The following MMP16 variants were observed in gnomAD, a reference collection of about 807,000 sequenced individuals.
MMP16 encodes matrix metalloproteinase-16.
Under a neutral mutation model 67.8 loss-of-function variants are expected in MMP16, and 12 were observed. That is an observed-to-expected ratio of 0.18 (90% CI 0.11 to 0.29). MMP16 has a LOEUF of 0.29. Among genes scored for constraint, MMP16 ranks in the 10% least tolerant of loss-of-function variants. The probability of loss-of-function intolerance (pLI) is 1.00; values close to 1 mark genes in which losing one functional copy is unlikely to be tolerated. For missense variants in MMP16, 475 were observed against 765.7 expected, an observed-to-expected ratio of 0.62 and a Z score of 4.48; for synonymous variants, 249 against 255.9, an observed-to-expected ratio of 0.97 and a Z score of 0.26.
rs1417468260 is a variant in MMP16, at chr8:88,197,146, GC to G, written c.281+11del. On this transcript the variant is annotated intron_variant, in intron 2 of 9. Transcript: ENST00000286614. ...GGACCAAAAAGAAAGGAGGATGGGA[GC>G]CATTACTTACTCAATTGTGTTTCTG... 2.5e-6 allele frequency: 4 copies of G among 1,606,714 alleles called. No individual in the cohort carries two copies. Among genetic ancestry groups the G allele is most frequent in the African/African-American group, 1.3e-5 (1 of 74,438 alleles).
intron 1 of MMP16, among the ~76,000 whole-genome samples, chr8:88,276,951 A>T (rs539050271): frequency 2.6e-5 from 4 of 152,262 alleles, no homozygotes; most frequent in Admixed American, 2.6e-4. Context: ...ACTACAATTA[A>T]ATTATCTTTA....
intron 3 of MMP16, among the ~76,000 whole-genome samples, chr8:88,169,135 A>T (rs1281890922): frequency 6.6e-6 from 1 of 152,220 alleles, no homozygotes; most frequent in Non-Finnish European, 1.5e-5. Flanking sequence ...AAATTATGGC[A>T]TCTCTAATGC....
chr8:88,157,986 AC>A (rs1243748845), intron 4 of MMP16, among the ~76,000 whole-genome samples: 1 of 152,116 alleles, frequency 6.6e-6, no homozygotes, highest in Non-Finnish European at 1.5e-5. Flanking sequence ...CCATGTCCCT[AC>A]AAAGGACATG....
chr8:88,155,158 T>C (rs1291021556), intron 4 of MMP16, among the ~76,000 whole-genome samples: 1 of 152,088 alleles, frequency 6.6e-6, no homozygotes, highest in Non-Finnish European at 1.5e-5. Flanking sequence ...CTTTATATTA[T>C]GTTACTACTA....
chr8:88,281,381 T>C (rs1810733524), intron 1 of MMP16, among the ~76,000 whole-genome samples: 2 of 152,166 alleles, frequency 1.3e-5, no homozygotes, highest in African/African-American at 4.8e-5. Context: ...CATTCCAACA[T>C]GCTTCTTCAT....
rs1808080582 is a variant in MMP16, at chr8:88,038,195, C to G, written c.*3266G>C. ...TGGTGTACAATAAACAAATGGAATC[C>G]CACTGTTTGTGATTACATTGTCCTT... is the stretch of plus-strand genomic sequence containing the variant. On this transcript the variant is annotated 3_prime_UTR_variant, in exon 10 of 10. Coordinates refer to ENST00000286614, the MANE Select transcript of MMP16 (RefSeq NM_005941.5). The surrounding 1 kb of genome is among the most constrained non-coding windows in gnomAD (Gnocchi z 4.1). 1 of 151,956 alleles carries G rather than the reference C, an allele frequency of 6.6e-6. No individual in the cohort carries two copies. The highest frequency in any genetic ancestry group is 1.5e-5 in the Non-Finnish European group (1 of 67,918). The allele number at this position is 151,956 out of a possible 1,614,324, so 9.4% of individuals were successfully genotyped here. A position where few individuals can be genotyped will look rare whatever the true frequency, so the allele number is the denominator to read the frequency against.
chr8:88,272,295 A>T (rs927633873), intron 1 of MMP16, among the ~76,000 whole-genome samples: 15 of 152,334 alleles, frequency 9.8e-5, no homozygotes, highest in Admixed American at 7.8e-4. Flanking sequence ...ATTCCCAATA[A>T]TCTATACTTT....
In MMP16 at chr8:88,046,820, A is replaced by T. The variant is rs1808205137; in HGVS notation, c.1374-36T>A. ...TAAAAACAACAACAACAAACACAAT[A>T]ACACACATATAGGGAAAGATTATGC... On this transcript the variant is annotated intron_variant, in intron 8 of 9. Coordinates refer to ENST00000286614, the MANE Select transcript of MMP16 (RefSeq NM_005941.5). 3 of 1,329,076 alleles carry T rather than the reference A, an allele frequency of 2.3e-6. No individual in the cohort carries two copies. The East Asian group carries it at 7.0e-5, about 31-fold the overall frequency. The allele number at this position is 1,329,076 out of a possible 1,614,324, so 82.3% of individuals were successfully genotyped here.
chr8:88,166,617 A>G (rs1311430901), intron 4 of MMP16, among the ~76,000 whole-genome samples: 1 of 146,624 alleles, frequency 6.8e-6, no homozygotes, highest in African/African-American at 2.5e-5. Context: ...AATATAATAA[A>G]TTATATAGTC....
intron 4 of MMP16, among the ~76,000 whole-genome samples, chr8:88,161,006 C>A (rs527873809): frequency 6.6e-6 from 1 of 152,050 alleles, no homozygotes; most frequent in Admixed American, 6.6e-5. Flanking sequence ...GTCTAAAATT[C>A]TCTTTTTTTG....
intron 5 of MMP16, among the ~76,000 whole-genome samples, 194 bp downstream of exon 5, chr8:88,118,506 A>C (rs753385270): frequency 1.3e-5 from 2 of 152,054 alleles, no homozygotes; most frequent in Non-Finnish European, 2.9e-5. Flanking sequence ...TGTTCCCATA[A>C]TCTATACATT....
At chr8:88,263,909 G>A (rs995922392) in intron 1 of MMP16, among the ~76,000 whole-genome samples, 28 of 151,688 alleles carry the variant, frequency 1.8e-4, no homozygotes, top group African/African-American at 6.0e-4. Context: ...TGTGTAGTAC[G>A]CCTGACTGAT....
chr8:88,041,788 C>T lies in MMP16; in HGVS notation c.1497G>A (p.Thr499=), dbSNP rs775987201. The T allele has an allele frequency of 1.9e-6, 3 of 1,604,870 alleles. No individual in the cohort carries two copies. The highest frequency in any genetic ancestry group is 2.7e-5 in the African/African-American group (2 of 74,124). Residue 499 remains threonine (T), a synonymous_variant, in exon 10 of 10, where the codon ACG becomes ACA. Coordinates refer to ENST00000286614, the MANE Select transcript of MMP16 (RefSeq NM_005941.5). The surrounding 1 kb of genome is among the most constrained non-coding windows in gnomAD (Gnocchi z 6.0). ...GAFVHKENGF[T]YFYKGKEYWK... ...AATACTCCTTTCCTTTGTAGAAATA[C>T]GTAAAGCCTAGGGGGAAAAACATAC...
intron 7 of MMP16, among the ~76,000 whole-genome samples, chr8:88,057,068 C>T (rs1318477339): frequency 1.3e-5 from 2 of 152,136 alleles, no homozygotes; most frequent in Non-Finnish European, 2.9e-5. Context: ...TTTCAGTCCA[C>T]TGAAGCTTTT....
intron 3 of MMP16, among the ~76,000 whole-genome samples, chr8:88,183,265 T>C (rs910997225): frequency 7.9e-5 from 12 of 152,190 alleles, no homozygotes; most frequent in African/African-American, 2.7e-4. Context: ...TAATGCAAGA[T>C]GTTAATAATA....
At chr8:88,309,199 T>G (rs1452840006) in intron 1 of MMP16, among the ~76,000 whole-genome samples, 2 of 152,064 alleles carry the variant, frequency 1.3e-5, no homozygotes, top group African/African-American at 4.8e-5. Flanking sequence ...ACTGCATTAT[T>G]TTTTAATTAT....
At chr8:88,149,225 C>G (rs898719045) in intron 4 of MMP16, among the ~76,000 whole-genome samples, 1 of 152,214 alleles carries the variant, frequency 6.6e-6, no homozygotes, top group Non-Finnish European at 1.5e-5. Context: ...CACGGAATCT[C>G]GCTGATTGCT....
chr8:88,053,835 C>A (rs1237332671), intron 8 of MMP16, among the ~76,000 whole-genome samples: 1 of 151,968 alleles, frequency 6.6e-6, no homozygotes, highest in African/African-American at 2.4e-5. Flanking sequence ...TTAATTGAAA[C>A]CCTGCTTTCA....
rs570348702 is a variant in MMP16 at position 88,093,859 on chromosome 8, A to T, written c.1084-19116T>A. Among the ~76,000 whole-genome samples the T allele has an allele frequency of 5.3e-5, 8 of 151,956 alleles. No individual in the cohort carries two copies. The East Asian group carries it at 1.6e-3, about 30-fold the overall frequency. ...TATTTTCCTCCCTTTATTTCTATGT[A>T]TATACTAGCAATTTCAATGACACTA... On this transcript the variant is annotated intron_variant, in intron 6 of 9. Transcript: ENST00000286614.
Sources: gnomAD v4.1 joint callset for allele counts (sites outside exome capture counted in the v4.1 genomes callset) on GRCh38, gnomAD v4.1.1 for gene constraint, Gnocchi (gnomAD v3.1) non-coding constraint, MANE v1.5 for transcripts, NCBI Gene and HGNC (gene_info 2026-07-23, HGNC 2026-07-21) for gene names.